Variants in DIPK1B observed in about 807,000 individuals in gnomAD.
DIPK1B encodes the protein family with sequence similarity 69 member B.
DIPK1B carries 17 observed loss-of-function variants against 20.7 expected under a neutral mutation model. That is an observed-to-expected ratio of 0.82 (90% CI 0.56 to 1.23). DIPK1B has a LOEUF of 1.23. Among genes scored for constraint, DIPK1B ranks in the 50% most tolerant of loss-of-function variants. DIPK1B has a pLI of 0.00. For missense variants in DIPK1B, 648 were observed against 601.8 expected (o/e 1.08, Z -0.80); for synonymous variants, 343 against 276.5 (o/e 1.24, Z -2.39).
intron 1 of DIPK1B, among the ~76,000 whole-genome samples, chr9:136,713,713 G>A (rs1209786291): frequency 6.6e-6 from 1 of 152,256 alleles, no homozygotes; most frequent in Non-Finnish European, 1.5e-5. Flanking sequence ...CAGAAGAGAT[G>A]CTGATGCTTG....
intron 2 of DIPK1B, among the ~76,000 whole-genome samples, chr9:136,720,593 A>G (rs1413984371): frequency 6.6e-6 from 1 of 152,158 alleles, no homozygotes; most frequent in Non-Finnish European, 1.5e-5. Flanking sequence ...AGCCAGCCCC[A>G]GGCCTGATGT....
At chr9:136,717,416 G>C (rs2131041573) in intron 1 of DIPK1B, among the ~76,000 whole-genome samples, 161 bp from the exon 2 acceptor site, 1 of 152,316 alleles carries the variant, frequency 6.6e-6, no homozygotes, top group South Asian at 2.1e-4. Context: ...GTGTCGCTGA[G>C]CTGGGGGTGA....
chr9:136,723,063 G>C lies in DIPK1B; in HGVS notation c.585G>C (p.Lys195Asn), dbSNP rs1415741966. 6.2e-7 allele frequency: 1 copy of C among 1,613,588 alleles called. No individual in the cohort carries two copies. Among genetic ancestry groups the C allele is most frequent in the East Asian group, 2.2e-5 (1 of 44,888 alleles). The change falls in exon 5 of 5, where the codon AAG (lysine) becomes AAC (asparagine). Residue 195 changes from lysine to asparagine, a missense_variant. Lys to Asn is a moderately conservative substitution (Grantham distance 94). Coordinates refer to ENST00000371692, the MANE Select transcript of DIPK1B (RefSeq NM_152421.4). ...ACCGGGTGTCCCTGGCGGAAGCCAA[G>C]TCCGTGTGGGCCCTGCTGCAGCGTA... ...KDNRVSLAEA[K>N]SVWALLQRNE... is the part of the protein sequence containing the mutation.
At chr9:136,720,602 G>A (rs973089671) in intron 2 of DIPK1B, among the ~76,000 whole-genome samples, 1 of 152,338 alleles carries the variant, frequency 6.6e-6, no homozygotes, top group East Asian at 1.9e-4. Flanking sequence ...CAGGCCTGAT[G>A]TAATTACTGC....
Position 136,723,849 on chromosome 9 carries a change from CT to C in DIPK1B, c.*76del, listed in dbSNP as rs1846661384. 7.1e-7 allele frequency: 1 copy of C among 1,406,870 alleles called. No homozygotes were observed. The highest frequency in any genetic ancestry group is 1.3e-5 in the South Asian group (1 of 74,796). 87.1% of individuals were successfully genotyped at this position (1,406,870 alleles called of 1,614,324 possible). On this transcript the variant is annotated 3_prime_UTR_variant, in exon 5 of 5. Coordinates refer to ENST00000371692, the MANE Select transcript of DIPK1B (RefSeq NM_152421.4). ...GGGTCCAACCCTCCCTCAAGGAATC[CT>C]GTCAGAAGATGTGAAATGCAACTGT... is the stretch of plus-strand genomic sequence containing the variant.
chr9:136,713,798 T>G (rs1588279426), intron 1 of DIPK1B, among the ~76,000 whole-genome samples: 1 of 152,312 alleles, frequency 6.6e-6, no homozygotes, highest in East Asian at 1.9e-4. Context: ...AGAGCCCTGG[T>G]GGGAGCCCAG....
At chr9:136,713,376 C>T (rs952433157) in intron 1 of DIPK1B, among the ~76,000 whole-genome samples, 12 of 152,346 alleles carry the variant, frequency 7.9e-5, no homozygotes, top group Non-Finnish European at 5.9e-5. Flanking sequence ...AGCCATCTGC[C>T]GGAGGCGCCA....
intron 4 of DIPK1B, chr9:136,722,604 A>T (rs1391761202): frequency 9.0e-6 from 5 of 556,610 alleles, no homozygotes; most frequent in Non-Finnish European, 1.6e-5. Context: ...GCTTGTGGAA[A>T]GGGGCCGCTT....
intron 4 of DIPK1B, chr9:136,722,735 A>G: frequency 5.0e-6 from 3 of 602,694 alleles, no homozygotes; most frequent in Non-Finnish European, 8.7e-6. Context: ...CAAGGCTGCC[A>G]GGAGGCGGGA....
intron 2 of DIPK1B, among the ~76,000 whole-genome samples, chr9:136,720,222 T>C (rs1056673279): frequency 6.6e-6 from 1 of 152,154 alleles, no homozygotes. Context: ...TTTCCTTTTC[T>C]GTCTTGACGA....
In DIPK1B at chr9:136,722,106, C is replaced by A. The variant is rs373662888; in HGVS notation, c.307-19C>A. 1.2e-6 allele frequency: 2 copies of A among 1,613,686 alleles called. No homozygotes were observed. Among genetic ancestry groups the A allele is most frequent in the South Asian group, 2.2e-5 (2 of 91,080 alleles). ...GGGAGGGGGATGTCTGCACGGAGGA[C>A]CTCTGTGGCCCTGTCCAGGTGTACA... On this transcript the variant is annotated intron_variant, in intron 3 of 4. Coordinates refer to ENST00000371692, the MANE Select transcript of DIPK1B (RefSeq NM_152421.4).
At chr9:136,718,836 G>A (rs1186476421) in intron 2 of DIPK1B, among the ~76,000 whole-genome samples, 1 of 152,208 alleles carries the variant, frequency 6.6e-6, no homozygotes, top group Non-Finnish European at 1.5e-5. Context: ...TGTCTGACGG[G>A]GGCCACATGT....
Position 136,723,297 on chromosome 9 carries a change from G to C in DIPK1B, c.819G>C (p.Lys273Asn). 6.2e-7 allele frequency: 1 copy of C among 1,612,692 alleles called. No homozygotes were observed. The highest frequency in any genetic ancestry group is 1.1e-5 in the South Asian group (1 of 91,088). ...WLGPAWPWRAKIAIGLLEFVE... is the reference protein window; with the variant it reads ...WLGPAWPWRANIAIGLLEFVE... ...GGCCTGCGTGGCCTTGGCGGGCCAA[G>C]ATCGCCATCGGCCTGCTGGAGTTCG... Residue 273 changes from lysine (K) to asparagine (N), a missense_variant, in exon 5 of 5, where the codon AAG becomes AAC. Transcript: ENST00000371692.
rs753413829 is a variant in DIPK1B, at chr9:136,723,111, C to T, written c.633C>T (p.Ser211=). 6.2e-7 allele frequency: 1 copy of T among 1,613,572 alleles called. No individual in the cohort carries two copies. Among genetic ancestry groups the T allele is most frequent in the East Asian group, 2.2e-5 (1 of 44,872 alleles). ...GTAACGAGTTCCTGCTGCTGCTGTC[C>T]CTGCAGGAGAAGGAGCACGCCTCCA... ...LQRNEFLLLL[S]LQEKEHASRL... The change falls in exon 5 of 5, where the codon TCC becomes TCT. Residue 211 remains serine (S), a synonymous_variant. Coordinates refer to ENST00000371692, the MANE Select transcript of DIPK1B (RefSeq NM_152421.4).
chr9:136,724,407 C>A lies in DIPK1B; in HGVS notation c.*633C>A, dbSNP rs185818259. On this transcript the variant is annotated 3_prime_UTR_variant, in exon 5 of 5. Transcript: ENST00000371692. ...AAATCCAGCCATGAGATGTACAACT[C>A]ATTCCCTAGGAAACAGCCCAGGAAT... Among the ~76,000 whole-genome samples, 1 of 152,224 alleles carries A rather than the reference C, an allele frequency of 6.6e-6. No individual in the cohort carries two copies. The highest frequency in any genetic ancestry group is 2.4e-5 in the African/African-American group (1 of 41,458).
chr9:136,722,319 G>C lies in DIPK1B; in HGVS notation c.483+18G>C, dbSNP rs1268299296. ...TCCTCAAGGTCAGGCAGCTCTCCTAGGGGGCAGGGCAGGAGTCCACACCAC... is the reference window on the plus strand; with the variant it reads ...TCCTCAAGGTCAGGCAGCTCTCCTACGGGGCAGGGCAGGAGTCCACACCAC... On this transcript the variant is annotated intron_variant, in intron 4 of 4. Coordinates refer to ENST00000371692, the MANE Select transcript of DIPK1B (RefSeq NM_152421.4). 1 of 1,605,708 alleles carries C rather than the reference G, an allele frequency of 6.2e-7. No homozygotes were observed. Among genetic ancestry groups the C allele is most frequent in the Non-Finnish European group, 8.5e-7 (1 of 1,175,884 alleles).
chr9:136,721,924 G>A lies in DIPK1B; in HGVS notation c.202G>A (p.Asp68Asn), dbSNP rs745874593. 10 of 1,613,196 alleles carry A rather than the reference G, an allele frequency of 6.2e-6. No homozygotes were observed. In the Admixed American group the frequency reaches 1.7e-4, roughly 27 times the overall value. Residue 68 changes from aspartate (D) to asparagine (N), a missense_variant, in exon 3 of 5, where the codon GAC (aspartate) becomes AAC (asparagine). Coordinates refer to ENST00000371692, the MANE Select transcript of DIPK1B (RefSeq NM_152421.4). ...ACGCCTGCACCTGTCTCCTCAGTGTGACCAGTACCGCAAGGGGATCATCTC... is the reference window on the plus strand; with the variant it reads ...ACGCCTGCACCTGTCTCCTCAGTGTAACCAGTACCGCAAGGGGATCATCTC... Reference protein sequence around the residue: ...RGHVCQVVICDQYRKGIISGS... With the variant: ...RGHVCQVVICNQYRKGIISGS...
chr9:136,715,546 ACT>A (rs1471448354), intron 1 of DIPK1B, among the ~76,000 whole-genome samples: 11 of 147,042 alleles, frequency 7.5e-5, no homozygotes, highest in Admixed American at 6.8e-5. Context: ...ACGGAGCCTC[ACT>A]CTGTCGCCCA....
In DIPK1B at chr9:136,723,002, G is replaced by C; in HGVS notation, c.524G>C (p.Gly175Ala). 1.9e-6 allele frequency: 3 copies of C among 1,611,766 alleles called. No individual in the cohort carries two copies. Among genetic ancestry groups the C allele is most frequent in the Non-Finnish European group, 2.5e-6 (3 of 1,178,708 alleles). ...CTGCCTTCCCTGCCGGCGCTGGTTG[G>C]CCAGGTCCTGCTCATGGCTGACTTC... ...GDLPSLPALV[G>A]QVLLMADFNK... The change falls in exon 5 of 5, where the codon GGC (glycine) becomes GCC (alanine). Residue 175 changes from glycine (G) to alanine (A), a missense_variant. By Grantham distance (60) the Gly-to-Ala change is moderately conservative. Transcript: ENST00000371692.
Sources: gnomAD v4.1 joint callset for allele counts (sites outside exome capture counted in the v4.1 genomes callset) on GRCh38, gnomAD v4.1.1 for gene constraint, MANE v1.5 for transcripts, NCBI Gene and HGNC (gene_info 2026-07-23, HGNC 2026-07-21) for gene names.